CD37: variants seen among roughly 807,000 people sequenced by gnomAD.
CD37 encodes the protein leukocyte antigen CD37.
In CD37, 37 loss-of-function variants were observed where a neutral mutation model predicts 38.9. The observed-to-expected ratio is 0.95, with a 90% CI of 0.73 to 1.25. CD37 has a LOEUF of 1.25. Among genes scored for constraint, CD37 ranks in the 50% most tolerant of loss-of-function variants. The pLI is 0.00. For synonymous variants in CD37, 146 were observed against 150.1 expected (o/e 0.97, Z 0.20); for missense variants, 351 against 360.1 (o/e 0.97, Z 0.20).
At chr19:49,337,727 A>G (rs1568549725) in intron 4 of CD37, 198 bp from the exon 5 acceptor site, 1 of 1,535,848 alleles carries the variant, frequency 6.5e-7, no homozygotes, top group Admixed American at 2.0e-5. Flanking sequence ...ACGCCCTGAA[A>G]GAAGAGACAG....
chr19:49,338,648 C>A lies in CD37; in HGVS notation c.448-52C>A. 1 of 1,366,270 alleles carries A rather than the reference C, an allele frequency of 7.3e-7. No homozygotes were observed. The highest frequency in any genetic ancestry group is 1.0e-6 in the Non-Finnish European group (1 of 966,138). The allele number at this position is 1,366,270 out of a possible 1,614,324, so 84.6% of individuals were successfully genotyped here. On this transcript the variant is annotated intron_variant, in intron 5 of 7. Transcript: ENST00000323906. This position sits in a 1 kb window ranked among gnomAD's most constrained non-coding sequence, Gnocchi z 5.0. ...ACCCATCACCTTGTCCCCTGATCCC[C>A]AACATCATATGTCTCCAGTCCCGGT...
Position 49,335,427 on chromosome 19 carries a change from C to T in CD37, c.-114C>T. 1.2e-6 allele frequency: 1 copy of T among 803,610 alleles called. No individual in the cohort carries two copies. The highest frequency in any genetic ancestry group is 2.1e-6 in the Non-Finnish European group (1 of 480,040). The allele number at this position is 803,610 out of a possible 1,614,324, so 49.8% of individuals were successfully genotyped here. Reference sequence around the variant, plus strand: ...CTTCCTCTTTTGGGGTTCTTCCTTTCTCTCTCAGCTCTCCGTCTCTCTTTC... The same window carrying T: ...CTTCCTCTTTTGGGGTTCTTCCTTTTTCTCTCAGCTCTCCGTCTCTCTTTC... On this transcript the variant is annotated 5_prime_UTR_variant, in exon 1 of 8. Transcript: ENST00000323906. This position sits in a 1 kb window ranked among gnomAD's most constrained non-coding sequence, Gnocchi z 4.6.
chr19:49,336,662 C>T (rs1037240961), intron 2 of CD37: 12 of 471,658 alleles, frequency 2.5e-5, no homozygotes, highest in East Asian at 1.1e-4. Flanking sequence ...CTACTGGGGA[C>T]GAGGAGGAGC....
At position 49,335,609 on chromosome 19, in the gene CD37, C is replaced by T. The variant is rs372774796; in HGVS notation, c.69C>T (p.Phe23=). ...TCTTCGTTTTCAACCTCTTCTTCTT[C>T]GTGAGTTGCCTCATGGCTACCCAGC... The part of the protein sequence containing the change: ...YFLFVFNLFF[F]VLGSLIFCFG... The change falls in exon 1 of 8, where the codon TTC becomes TTT. Residue 23 remains phenylalanine (F), a splice_region_variant and synonymous_variant. Transcript: ENST00000323906. The surrounding 1 kb of genome is among the most constrained non-coding windows in gnomAD (Gnocchi z 4.6). 4.3e-6 allele frequency: 7 copies of T among 1,613,500 alleles called. No homozygotes were observed. Among genetic ancestry groups the T allele is most frequent in the Middle Eastern group, 1.6e-4 (1 of 6,082 alleles).
rs1237545539 is a variant in CD37 at position 49,335,506 on chromosome 19, T to G, written c.-35T>G. On this transcript the variant is annotated 5_prime_UTR_variant, in exon 1 of 8. Coordinates refer to ENST00000323906, the MANE Select transcript of CD37 (RefSeq NM_001774.3). The surrounding 1 kb of genome is among the most constrained non-coding windows in gnomAD (Gnocchi z 4.6). ...TCCCCCACTGTCAGCACCTCTTCTG[T>G]GTGGTGAGTGGACCGCTTACCCCAC... 6.6e-7 allele frequency: 1 copy of G among 1,516,136 alleles called. No homozygotes were observed. The highest frequency in any genetic ancestry group is 9.2e-7 in the Non-Finnish European group (1 of 1,090,886). The allele number at this position is 1,516,136 out of a possible 1,614,324, so 93.9% of individuals were successfully genotyped here.
chr19:49,339,206 T>G lies in CD37; in HGVS notation c.685-124T>G. On this transcript the variant is annotated intron_variant, in intron 6 of 7. Coordinates refer to ENST00000323906, the MANE Select transcript of CD37 (RefSeq NM_001774.3). The surrounding 1 kb of genome is among the most constrained non-coding windows in gnomAD (Gnocchi z 4.5). ...GGGTGCACTAGTAAGGAGACTAGAG[T>G]GCCCTGGTGACTAGGGGAGCGGGTA... 1 of 842,766 alleles carries G rather than the reference T, an allele frequency of 1.2e-6. No homozygotes were observed. Among genetic ancestry groups the G allele is most frequent in the Admixed American group, 2.1e-5 (1 of 48,364 alleles). 52.2% of individuals were successfully genotyped at this position (842,766 alleles called of 1,614,324 possible). A position where few individuals can be genotyped will look rare whatever the true frequency, so the allele number is the denominator to read the frequency against.
chr19:49,339,078 AG>A lies in CD37; in HGVS notation c.684+147del. On this transcript the variant is annotated intron_variant, in intron 6 of 7. Coordinates refer to ENST00000323906, the MANE Select transcript of CD37 (RefSeq NM_001774.3). This position sits in a 1 kb window ranked among gnomAD's most constrained non-coding sequence, Gnocchi z 4.5. ...CGGCAGGAGGGGCGGGGCCCTCTGA[AG>A]GGGGCGGGGTCTGCAGGAAGGGCAG... is the stretch of plus-strand genomic sequence containing the variant. The A allele has an allele frequency of 2.7e-6, 2 of 741,558 alleles. No individual in the cohort carries two copies. The highest frequency in any genetic ancestry group is 4.5e-6 in the Non-Finnish European group (2 of 445,984). 45.9% of individuals were successfully genotyped at this position (741,558 alleles called of 1,614,324 possible).
intron 7 of CD37, 162 bp from the exon 8 acceptor site, chr19:49,340,089 G>A (rs1021410456): frequency 6.5e-6 from 10 of 1,531,434 alleles, no homozygotes; most frequent in African/African-American, 4.1e-5. Context: ...CCAGCCCTGC[G>A]GCAGTTCCCG....
chr19:49,337,675 G>A, intron 4 of CD37: 1 of 1,525,234 alleles, frequency 6.6e-7, no homozygotes, highest in Non-Finnish European at 8.8e-7. Context: ...CAGCTCCAAA[G>A]GGAAACACAC....
chr19:49,337,875 G>A (rs1971017030), intron 4 of CD37, 50 bp from the exon 5 acceptor site: 2 of 1,606,488 alleles, frequency 1.2e-6, no homozygotes, highest in Non-Finnish European at 8.5e-7. Flanking sequence ...CTGAGAGGGG[G>A]AGGGGTGGGG....
rs1473631623 is a variant in CD37 at position 49,335,692 on chromosome 19, T to C, written c.70-22T>C. On this transcript the variant is annotated intron_variant, in intron 1 of 7. Coordinates refer to ENST00000323906, the MANE Select transcript of CD37 (RefSeq NM_001774.3). This position sits in a 1 kb window ranked among gnomAD's most constrained non-coding sequence, Gnocchi z 4.6. ...CATCTTCCCCTGTGGCCCACCCCCG[T>C]ATCCGCATCTCCTCTCCCCAGGTCC... 4 of 1,613,410 alleles carry C rather than the reference T, an allele frequency of 2.5e-6. No homozygotes were observed. The highest frequency in any genetic ancestry group is 3.4e-6 in the Non-Finnish European group (4 of 1,179,626).
At position 49,339,872 on chromosome 19, in the gene CD37, C is replaced by T. The variant is rs1362312733; in HGVS notation, c.769-379C>T. On this transcript the variant is annotated intron_variant, in intron 7 of 7. Transcript: ENST00000323906. The surrounding 1 kb of genome is among the most constrained non-coding windows in gnomAD (Gnocchi z 4.5). The stretch of plus-strand genomic sequence containing the variant: ...GCACCGCAGGGCAAGCTGCCCATGG[C>T]CCTGGGGCTCTGGCCGCTGTGGGTT... The T allele has an allele frequency of 7.4e-7, 1 of 1,342,508 alleles. No homozygotes were observed. Among genetic ancestry groups the T allele is most frequent in the Middle Eastern group, 2.9e-4 (1 of 3,448 alleles). The allele number at this position is 1,342,508 out of a possible 1,614,324, so 83.2% of individuals were successfully genotyped here. A position where few individuals can be genotyped will look rare whatever the true frequency, so the allele number is the denominator to read the frequency against.
Position 49,335,797 on chromosome 19 carries a change from C to A in CD37, c.142+11C>A. ...TCGTGTCCTTTGTGGGTGAGGGGGGCTGGGGCAGGTGGGAGGGCCTCCCCC... is the reference window on the plus strand; with the variant it reads ...TCGTGTCCTTTGTGGGTGAGGGGGGATGGGGCAGGTGGGAGGGCCTCCCCC... On this transcript the variant is annotated intron_variant, in intron 2 of 7. Coordinates refer to ENST00000323906, the MANE Select transcript of CD37 (RefSeq NM_001774.3). The surrounding 1 kb of genome is among the most constrained non-coding windows in gnomAD (Gnocchi z 4.6). 4.9e-6 allele frequency: 7 copies of A among 1,417,678 alleles called. No individual in the cohort carries two copies. Among genetic ancestry groups the A allele is most frequent in the Non-Finnish European group, 7.0e-6 (7 of 1,003,704 alleles). The allele number at this position is 1,417,678 out of a possible 1,614,324, so 87.8% of individuals were successfully genotyped here.
Position 49,335,531 on chromosome 19 carries a change from C to G in CD37, c.-10C>G. 3.7e-6 allele frequency: 6 copies of G among 1,611,028 alleles called. No homozygotes were observed. Among genetic ancestry groups the G allele is most frequent in the Non-Finnish European group, 5.1e-6 (6 of 1,177,192 alleles). ...TGTGGTGAGTGGACCGCTTACCCCA[C>G]TAGGTGAAGATGTCAGCCCAGGAGA... On this transcript the variant is annotated 5_prime_UTR_variant, in exon 1 of 8. Transcript: ENST00000323906. The surrounding 1 kb of genome is among the most constrained non-coding windows in gnomAD (Gnocchi z 4.6).
rs532890744 is a variant in CD37, at chr19:49,339,410, C to G, written c.765C>G (p.Leu255=). 8.1e-6 allele frequency: 13 copies of G among 1,613,512 alleles called. No individual in the cohort carries two copies. In the Admixed American group the frequency reaches 1.7e-4, roughly 21 times the overall value. The change falls in exon 7 of 8, where the codon CTC becomes CTG. Residue 255 remains leucine, a synonymous_variant. Coordinates refer to ENST00000323906, the MANE Select transcript of CD37 (RefSeq NM_001774.3). The surrounding 1 kb of genome is among the most constrained non-coding windows in gnomAD (Gnocchi z 4.5). ...GCATTTGCCTGGGCGTCGGCCTACT[C>G]GAGGTGATCTGGCCCCGCCCCCACC... ...IVGICLGVGL[L]ELGFMTLSIF... is the part of the protein sequence containing the mutation.
chr19:49,337,691 A>T (rs560409977), intron 4 of CD37: 3 of 1,530,022 alleles, frequency 2.0e-6, no homozygotes, highest in Non-Finnish European at 2.6e-6. Flanking sequence ...CACACGGGAA[A>T]AAGAGAGAAC....
Position 49,339,788 on chromosome 19 carries a change from G to C in CD37, c.768+375G>C. 7.3e-7 allele frequency: 1 copy of C among 1,364,478 alleles called. No individual in the cohort carries two copies. The highest frequency in any genetic ancestry group is 1.5e-5 in the African/African-American group (1 of 68,264). 84.5% of individuals were successfully genotyped at this position (1,364,478 alleles called of 1,614,324 possible). A position where few individuals can be genotyped will look rare whatever the true frequency, so the allele number is the denominator to read the frequency against. ...ATCGCTGACGGCGGCGGCGGGCACA[G>C]CGGCAGTCTGTGGGGTGGCTGGGGC... On this transcript the variant is annotated intron_variant, in intron 7 of 7. Transcript: ENST00000323906. This position sits in a 1 kb window ranked among gnomAD's most constrained non-coding sequence, Gnocchi z 4.5.
chr19:49,339,760 C>T lies in CD37; in HGVS notation c.768+347C>T, dbSNP rs1244303810. On this transcript the variant is annotated intron_variant, in intron 7 of 7. Transcript: ENST00000323906. This position sits in a 1 kb window ranked among gnomAD's most constrained non-coding sequence, Gnocchi z 4.5. ...TGGGGATTCGAGCCCCGGGCCCAGC[C>T]TGATCGCTGACGGCGGCGGCGGGCA... The T allele has an allele frequency of 3.0e-5, 42 of 1,386,760 alleles. No individual in the cohort carries two copies. The highest frequency in any genetic ancestry group is 3.8e-5 in the Non-Finnish European group (41 of 1,073,712). The allele number at this position is 1,386,760 out of a possible 1,614,324, so 85.9% of individuals were successfully genotyped here. A position where few individuals can be genotyped will look rare whatever the true frequency, so the allele number is the denominator to read the frequency against.
At chr19:49,337,312 G>A in intron 4 of CD37, 91 bp downstream of exon 4, 2 of 1,208,506 alleles carry the variant, frequency 1.7e-6, no homozygotes, top group South Asian at 1.2e-5. Context: ...CGAAACAAGG[G>A]CAGACAGGGG....
Sources: gnomAD v4.1 joint callset for allele counts on GRCh38, gnomAD v4.1.1 for gene constraint, Gnocchi (gnomAD v3.1) non-coding constraint, MANE v1.5 for transcripts, NCBI Gene and HGNC (gene_info 2026-07-23, HGNC 2026-07-21) for gene names.